Variants in ADGRG7 observed in about 807,000 individuals in gnomAD.
ADGRG7 encodes the protein adhesion G protein-coupled receptor G7, also known as G-protein coupled receptor 128.
Under a neutral mutation model 88.6 loss-of-function variants are expected in ADGRG7, and 82 were observed. The observed-to-expected ratio is 0.93, with a 90% CI of 0.77 to 1.11. The LOEUF (loss-of-function observed/expected upper bound fraction) is 1.11. Among genes scored for constraint, ADGRG7 ranks in the 50% most tolerant of loss-of-function variants. The pLI is 0.00. For synonymous variants in ADGRG7, 381 were observed against 345.2 expected, an observed-to-expected ratio of 1.10 and a Z score of -1.15; for missense variants, 945 against 953.4, an observed-to-expected ratio of 0.99 and a Z score of 0.12.
chr3:100,672,095 T>C (rs1188372380), intron 15 of ADGRG7, among the ~76,000 whole-genome samples: 1 of 152,210 alleles, frequency 6.6e-6, no homozygotes, highest in Non-Finnish European at 1.5e-5. Flanking sequence ...CTGTGAAGAA[T>C]GTCAATGGTA....
At chr3:100,638,448 A>C (rs573066270) in intron 6 of ADGRG7, among the ~76,000 whole-genome samples, 2 of 152,232 alleles carry the variant, frequency 1.3e-5, no homozygotes, top group African/African-American at 4.8e-5. Flanking sequence ...ACATCCAGCC[A>C]CTTCTCTTCC....
In ADGRG7 at chr3:100,612,467, T is replaced by C. The variant is rs113170851; in HGVS notation, c.115+2496T>C. ...AGAAAAACACAAGAAGCAGTATAGCTTTTGGGCCCCTTCACTCTTGATGAT... is the reference window on the plus strand; with the variant it reads ...AGAAAAACACAAGAAGCAGTATAGCCTTTGGGCCCCTTCACTCTTGATGAT... On this transcript the variant is annotated intron_variant, in intron 1 of 15. Coordinates refer to ENST00000273352, the MANE Select transcript of ADGRG7 (RefSeq NM_032787.3). Among the ~76,000 whole-genome samples, 955 of 152,308 alleles carry C rather than the reference T, an allele frequency of 6.3e-3. 15 individuals carry two copies. Among genetic ancestry groups the C allele is most frequent in the African/African-American group, 0.022 (916 of 41,574 alleles).
Position 100,659,770 on chromosome 3 carries a change from C to T in ADGRG7, c.1906C>T (p.Leu636Phe), listed in dbSNP as rs1191156696. The stretch of plus-strand genomic sequence containing the variant: ...ATTCATCGTACCTGTAACCATTATC[C>T]TCATCAGCAATGTTGTTATGTTTAT... Reference protein sequence around the residue: ...WSFIVPVTIILISNVVMFITI... With the variant: ...WSFIVPVTIIFISNVVMFITI... Residue 636 changes from leucine to phenylalanine, a missense_variant, in exon 14 of 16, where the codon CTC becomes TTC. Leu to Phe is a conservative substitution (Grantham distance 22). Coordinates refer to ENST00000273352, the MANE Select transcript of ADGRG7 (RefSeq NM_032787.3). The T allele has an allele frequency of 3.7e-6, 6 of 1,613,844 alleles. No individual in the cohort carries two copies. Among genetic ancestry groups the T allele is most frequent in the Non-Finnish European group, 5.1e-6 (6 of 1,179,898 alleles).
intron 11 of ADGRG7, among the ~76,000 whole-genome samples, chr3:100,654,033 C>G (rs1467120232): frequency 6.6e-6 from 1 of 152,118 alleles, no homozygotes; most frequent in Non-Finnish European, 1.5e-5. Flanking sequence ...AGTGAGAGTC[C>G]TGCTACTAGG....
At position 100,643,576 on chromosome 3, in the gene ADGRG7, G is replaced by A; in HGVS notation, c.889G>A (p.Asp297Asn). The A allele has an allele frequency of 6.2e-7, 1 of 1,614,012 alleles. No homozygotes were observed. Residue 297 changes from aspartate (D) to asparagine (N), a missense_variant, in exon 8 of 16, where the codon GAT becomes AAT. By Grantham distance (23) the Asp-to-Asn change is conservative. Coordinates refer to ENST00000273352, the MANE Select transcript of ADGRG7 (RefSeq NM_032787.3). Reference protein sequence around the residue: ...SSSTFIHTNVDGLNPDAQTEL... With the variant: ...SSSTFIHTNVNGLNPDAQTEL... The stretch of plus-strand genomic sequence containing the variant: ...TTCAACATTTATACATACAAATGTG[G>A]ATGGCCTTAACCCAGATGCACAGAC...
intron 15 of ADGRG7, among the ~76,000 whole-genome samples, chr3:100,679,446 T>C (rs2094970033): frequency 6.6e-6 from 1 of 152,164 alleles, no homozygotes; most frequent in Non-Finnish European, 1.5e-5. Context: ...TCTACCCCAT[T>C]GAGGCCAAGC....
At position 100,649,701 on chromosome 3, in the gene ADGRG7, A is replaced by G; in HGVS notation, c.1273A>G (p.Lys425Glu). The G allele has an allele frequency of 1.3e-6, 2 of 1,582,506 alleles. No individual in the cohort carries two copies. Among genetic ancestry groups the G allele is most frequent in the South Asian group, 1.1e-5 (1 of 89,282 alleles). ...GTCTTACCTTGTTTTTCAGACTTTC[A>G]AAAAGGATTATCAATATCCCAAATC... The part of the protein sequence containing the change: ...TTNFAVLMTF[K>E]KDYQYPKSLD... The change falls in exon 11 of 16, where the codon AAA becomes GAA. Residue 425 changes from lysine to glutamate, a missense_variant. Lys to Glu is a moderately conservative substitution (Grantham distance 56, BLOSUM62 1). Transcript: ENST00000273352.
At chr3:100,693,561 A>G (rs2094997390) in intron 15 of ADGRG7, among the ~76,000 whole-genome samples, 1 of 152,224 alleles carries the variant, frequency 6.6e-6, no homozygotes, top group Non-Finnish European at 1.5e-5. Flanking sequence ...GAAGTCTCCA[A>G]TAACAGTACT....
intron 13 of ADGRG7, among the ~76,000 whole-genome samples, chr3:100,656,833 G>A (rs917637705): frequency 6.6e-6 from 1 of 152,132 alleles, no homozygotes; most frequent in Non-Finnish European, 1.5e-5. Flanking sequence ...CTGTAGGCTG[G>A]GGAGCTGACT....
intron 14 of ADGRG7, among the ~76,000 whole-genome samples, chr3:100,668,603 A>G (rs1353857980): frequency 2.6e-5 from 4 of 152,184 alleles, no homozygotes; most frequent in Non-Finnish European, 5.9e-5. Context: ...CCAGGTGCCA[A>G]AAAAGGGGAT....
chr3:100,668,097 C>T (rs189125527), intron 14 of ADGRG7, among the ~76,000 whole-genome samples: 1 of 152,324 alleles, frequency 6.6e-6, no homozygotes, highest in East Asian at 1.9e-4. Flanking sequence ...CTTCAGCTCT[C>T]CCTCCATGGG....
intron 1 of ADGRG7, among the ~76,000 whole-genome samples, chr3:100,615,127 G>T (rs553827425): frequency 6.6e-6 from 1 of 152,208 alleles, no homozygotes; most frequent in Non-Finnish European, 1.5e-5. Context: ...TCAGTTACAA[G>T]GAGGTCTGAG....
At chr3:100,653,701 G>A (rs2094932900) in intron 11 of ADGRG7, among the ~76,000 whole-genome samples, 1 of 152,184 alleles carries the variant, frequency 6.6e-6, no homozygotes, top group African/African-American at 2.4e-5. Flanking sequence ...TCAGATGGCG[G>A]CTGGGCCAGA....
At chr3:100,686,564 G>C (rs2094983043) in intron 15 of ADGRG7, among the ~76,000 whole-genome samples, 3 of 152,164 alleles carry the variant, frequency 2.0e-5, no homozygotes, top group Admixed American at 6.5e-5. Context: ...AAGGTATAAG[G>C]AAGGGATCCA....
chr3:100,624,020 T>C (rs1707348615), intron 1 of ADGRG7, among the ~76,000 whole-genome samples: 1 of 152,130 alleles, frequency 6.6e-6, no homozygotes, highest in African/African-American at 2.4e-5. Context: ...TATGGGTTCA[T>C]GTGTCTTTAT....
intron 1 of ADGRG7, among the ~76,000 whole-genome samples, chr3:100,613,398 C>CAGAGT (rs1456122370): frequency 6.6e-6 from 1 of 151,952 alleles, no homozygotes; most frequent in Non-Finnish European, 1.5e-5. Flanking sequence ...AAAAAAAGTC[C>CAGAGT]AGAGTAGAGT....
At chr3:100,667,865 G>A (rs1179064255) in intron 14 of ADGRG7, among the ~76,000 whole-genome samples, 2 of 152,100 alleles carry the variant, frequency 1.3e-5, no homozygotes, top group Non-Finnish European at 1.5e-5. Flanking sequence ...CAGCTAGTTC[G>A]GTGTCTGCCC....
chr3:100,629,235 G>A (rs1280485545), intron 1 of ADGRG7, among the ~76,000 whole-genome samples: 1 of 151,868 alleles, frequency 6.6e-6, no homozygotes, highest in East Asian at 1.9e-4. Flanking sequence ...TCTCCTATGT[G>A]TTTTTACTGT....
chr3:100,686,642 C>A (rs1321262953), intron 15 of ADGRG7, among the ~76,000 whole-genome samples: 9 of 152,166 alleles, frequency 5.9e-5, no homozygotes, highest in Non-Finnish European at 1.3e-4. Context: ...AATCCTTTCC[C>A]CATTACTTGT....
Sources: allele counts gnomAD v4.1 joint callset (sites outside exome capture counted in the v4.1 genomes callset), GRCh38; gene constraint gnomAD v4.1.1; transcripts MANE v1.5; gene names NCBI Gene and HGNC (gene_info 2026-07-23, HGNC 2026-07-21).